ZNF385D: variants seen among roughly 807,000 people sequenced by gnomAD.
The protein encoded by ZNF385D is zinc finger protein 385D.
A neutral mutation model predicts 35.8 loss-of-function variants in ZNF385D; 15 were observed. That is an observed-to-expected ratio of 0.42 (90% CI 0.28 to 0.64). The LOEUF is 0.64. ZNF385D is among the 30% of genes least tolerant of loss of function. The probability of loss-of-function intolerance (pLI) is 0.23; values close to 1 mark genes in which losing one functional copy is unlikely to be tolerated. For synonymous variants in ZNF385D, 212 were observed against 186.8 expected, an observed-to-expected ratio of 1.13 and a Z score of -1.10; for missense variants, 474 against 494.6, an observed-to-expected ratio of 0.96 and a Z score of 0.39.
chr3:21,924,520 G>T (rs1318523816), intron 3 of ZNF385D, among the ~76,000 whole-genome samples: 11 of 152,188 alleles, frequency 7.2e-5, no homozygotes, highest in South Asian at 4.2e-4. Context: ...AAAAATTGTG[G>T]CCCCAACACC....
intron 3 of ZNF385D, among the ~76,000 whole-genome samples, chr3:22,022,477 A>G (rs1697286261): frequency 6.6e-6 from 1 of 152,118 alleles, no homozygotes; most frequent in African/African-American, 2.4e-5. Flanking sequence ...GCATCAAGAA[A>G]TAACATACCA....
At chr3:21,425,807 C>T in intron 5 of ZNF385D, 137 bp from the exon 6 acceptor site, 1 of 663,104 alleles carries the variant, frequency 1.5e-6, no homozygotes, top group Non-Finnish European at 2.3e-6. Flanking sequence ...TCTGATGCCT[C>T]ATTTTAGTGC....
intron 3 of ZNF385D, among the ~76,000 whole-genome samples, chr3:21,561,348 CGCACAATTCCTCATG>C (rs971620088): frequency 2.6e-5 from 4 of 152,160 alleles, no homozygotes; most frequent in African/African-American, 9.7e-5. Context: ...TGGGCTGGAG[CGCACAATTCCTCATG>C]GCACAGTCCC....
intron 3 of ZNF385D, among the ~76,000 whole-genome samples, chr3:22,064,226 A>G (rs980369171): frequency 2.6e-5 from 4 of 152,216 alleles, no homozygotes; most frequent in African/African-American, 9.6e-5. Context: ...CAGGCAATAC[A>G]GGGGTAATCC....
intron 2 of ZNF385D, among the ~76,000 whole-genome samples, chr3:22,305,253 T>C (rs1703141030): frequency 6.6e-6 from 1 of 152,216 alleles, no homozygotes; most frequent in African/African-American, 2.4e-5. Flanking sequence ...TTAACATTTA[T>C]CTGCTACTAG....
chr3:21,664,408 T>C lies in ZNF385D; in HGVS notation c.165+478A>G, dbSNP rs994005876. On this transcript the variant is annotated intron_variant, in intron 2 of 7. Coordinates refer to ENST00000281523, the MANE Select transcript of ZNF385D (RefSeq NM_024697.3). ...AGAACCCTGAGTTGTTTTAAGTTAA[T>C]GGTGGGAAGAAAGTGCTGTATACTT... 3.3e-5 allele frequency among the ~76,000 whole-genome samples: 5 copies of C among 152,296 alleles called. No individual in the cohort carries two copies. In the South Asian group the frequency reaches 6.2e-4, roughly 19 times the overall value.
intron 2 of ZNF385D, among the ~76,000 whole-genome samples, chr3:22,267,818 A>C (rs1700972136): frequency 6.6e-6 from 1 of 151,994 alleles, no homozygotes; most frequent in African/African-American, 2.4e-5. Context: ...TATTACCAAT[A>C]TACTCAATGT....
At chr3:22,010,667 C>G (rs1398889646) in intron 3 of ZNF385D, among the ~76,000 whole-genome samples, 3 of 152,124 alleles carry the variant, frequency 2.0e-5, no homozygotes, top group Admixed American at 2.0e-4. Flanking sequence ...CAAAAACAGT[C>G]TAGGGCCAAA....
chr3:22,061,910 T>C (rs1699706248), intron 3 of ZNF385D, among the ~76,000 whole-genome samples: 1 of 152,246 alleles, frequency 6.6e-6, no homozygotes, highest in East Asian at 1.9e-4. Flanking sequence ...TATTTTGAGC[T>C]GTCTTGTTGG....
intron 3 of ZNF385D, among the ~76,000 whole-genome samples, chr3:22,082,206 A>G (rs1433550574): frequency 6.6e-6 from 1 of 152,056 alleles, no homozygotes; most frequent in Non-Finnish European, 1.5e-5. Flanking sequence ...CAGGTTGGAC[A>G]GTGGATGCAG....
At position 21,608,757 on chromosome 3, in the gene ZNF385D, A is replaced by G. The variant is rs202232738; in HGVS notation, c.166-44073T>C. On this transcript the variant is annotated intron_variant, in intron 2 of 7. Transcript: ENST00000281523. Reference sequence around the variant, plus strand: ...TTTTTGGTTTCATGTAGAAGTCAAAATTCGTCTACAAATGAAAGTAGTTCC... The same window carrying G: ...TTTTTGGTTTCATGTAGAAGTCAAAGTTCGTCTACAAATGAAAGTAGTTCC... Among the ~76,000 whole-genome samples, 3 of 152,186 alleles carry G rather than the reference A, an allele frequency of 2.0e-5. No homozygotes were observed. The East Asian group carries it at 5.8e-4, about 29-fold the overall frequency.
At chr3:21,477,406 G>T (rs1291433861) in intron 4 of ZNF385D, among the ~76,000 whole-genome samples, 1 of 152,060 alleles carries the variant, frequency 6.6e-6, no homozygotes, top group Non-Finnish European at 1.5e-5. Flanking sequence ...CAGCCTGGGT[G>T]ACAGAGCAAG....
chr3:22,222,742 G>T (rs1466001662), intron 2 of ZNF385D, among the ~76,000 whole-genome samples: 2 of 152,088 alleles, frequency 1.3e-5, no homozygotes, highest in South Asian at 4.1e-4. Context: ...AAATTATAAA[G>T]CTCTAAGTAA....
At chr3:22,362,461 T>C (rs1004962894) in intron 2 of ZNF385D, among the ~76,000 whole-genome samples, 1 of 152,118 alleles carries the variant, frequency 6.6e-6, no homozygotes, top group Non-Finnish European at 1.5e-5. Flanking sequence ...CTCTTCTTTA[T>C]GAGGTCCTCA....
At chr3:21,903,421 A>G (rs1170935291) in intron 3 of ZNF385D, among the ~76,000 whole-genome samples, 1 of 152,166 alleles carries the variant, frequency 6.6e-6, no homozygotes, top group Non-Finnish European at 1.5e-5. Flanking sequence ...CCTGTACTCT[A>G]TTTTTAAAAG....
chr3:21,893,259 C>A (rs9821529), intron 3 of ZNF385D, among the ~76,000 whole-genome samples: 2,598 of 152,280 alleles, frequency 0.017, 76 homozygotes, highest in African/African-American at 0.058. Flanking sequence ...TCATCCACAT[C>A]TGCTTTTAGC....
At chr3:22,096,773 G>A (rs1701658081) in intron 3 of ZNF385D, among the ~76,000 whole-genome samples, 1 of 152,010 alleles carries the variant, frequency 6.6e-6, no homozygotes, top group Non-Finnish European at 1.5e-5. Flanking sequence ...ACTAGAAAAT[G>A]ACTAGTATTG....
chr3:22,124,909 C>A (rs1703338139), intron 3 of ZNF385D, among the ~76,000 whole-genome samples: 1 of 152,062 alleles, frequency 6.6e-6, no homozygotes, highest in Admixed American at 6.6e-5. Flanking sequence ...TGCATAGAAG[C>A]TTTTTAATTT....
chr3:21,946,747 A>C (rs1701807495), intron 3 of ZNF385D, among the ~76,000 whole-genome samples: 1 of 152,156 alleles, frequency 6.6e-6, no homozygotes, highest in African/African-American at 2.4e-5. Context: ...CAGGAGAAAC[A>C]CTTGAACCCA....
Sources: gnomAD v4.1 joint callset for allele counts (sites outside exome capture counted in the v4.1 genomes callset) on GRCh38, gnomAD v4.1.1 for gene constraint, MANE v1.5 for transcripts, NCBI Gene and HGNC (gene_info 2026-07-23, HGNC 2026-07-21) for gene names.